The following NR3C2 variants were observed in gnomAD, a reference collection of about 807,000 sequenced individuals.
NR3C2 encodes mineralocorticoid receptor.
In NR3C2, 15 loss-of-function variants were observed where a neutral mutation model predicts 86.4. The observed-to-expected ratio is 0.17, with a 90% CI of 0.12 to 0.27. The LOEUF is 0.27. Ranked by LOEUF, NR3C2 falls within the 10% of genes least tolerant of loss-of-function variation. The probability of loss-of-function intolerance (pLI) is 1.00; values close to 1 mark genes in which losing one functional copy is unlikely to be tolerated. For synonymous variants in NR3C2, 458 were observed against 450.5 expected (o/e 1.02, Z -0.21); for missense variants, 960 against 1,195.6 (o/e 0.80, Z 2.91).
chr4:148,233,408 G>A (rs1738566235), intron 3 of NR3C2, among the ~76,000 whole-genome samples: 1 of 140,628 alleles, frequency 7.1e-6, no homozygotes, highest in South Asian at 2.3e-4. Context: ...TGCCCAGACT[G>A]GAGTGCAGTG....
chr4:148,119,966 T>A (rs1051899801), intron 7 of NR3C2, among the ~76,000 whole-genome samples, 192 bp downstream of exon 7: 1 of 152,190 alleles, frequency 6.6e-6, no homozygotes, highest in Admixed American at 6.5e-5. Flanking sequence ...CTCTTTCACA[T>A]GCCCAAAGCT....
intron 5 of NR3C2, among the ~76,000 whole-genome samples, chr4:148,153,333 A>G (rs899691559): frequency 6.6e-6 from 1 of 152,140 alleles, no homozygotes; most frequent in Non-Finnish European, 1.5e-5. Flanking sequence ...GCCTGCCAGG[A>G]CGCCCAACTA....
At chr4:148,341,118 A>T (rs1744726439) in intron 2 of NR3C2, among the ~76,000 whole-genome samples, 1 of 152,128 alleles carries the variant, frequency 6.6e-6, no homozygotes, top group Non-Finnish European at 1.5e-5. Flanking sequence ...ATGTAAAGGA[A>T]ATCAGTGTAT....
chr4:148,183,649 T>C (rs1252530936), intron 4 of NR3C2, among the ~76,000 whole-genome samples: 1 of 152,170 alleles, frequency 6.6e-6, no homozygotes, highest in Non-Finnish European at 1.5e-5. Context: ...TATCTCATAG[T>C]GTTGCTGTGA....
chr4:148,125,897 A>T (rs1354488200), intron 6 of NR3C2, among the ~76,000 whole-genome samples: 1 of 152,268 alleles, frequency 6.6e-6, no homozygotes, highest in East Asian at 1.9e-4. Flanking sequence ...TAAGATTATC[A>T]AGTGGCCACA....
intron 3 of NR3C2, among the ~76,000 whole-genome samples, chr4:148,217,860 A>T (rs1484210684): frequency 1.6e-4 from 25 of 152,234 alleles, no homozygotes. Context: ...ACCCATGTGT[A>T]ATGGACTGCA....
chr4:148,237,668 T>TG (rs1164224872), intron 3 of NR3C2, among the ~76,000 whole-genome samples: 3 of 95,864 alleles, frequency 3.1e-5, no homozygotes, highest in African/African-American at 9.2e-5. Context: ...AAAAACAAAA[T>TG]GGGTTTTTTT....
At chr4:148,271,181 G>C (rs72655253) in intron 2 of NR3C2, among the ~76,000 whole-genome samples, 1 of 152,098 alleles carries the variant, frequency 6.6e-6, no homozygotes, top group African/African-American at 2.4e-5. Flanking sequence ...AATTTGAGCT[G>C]TTATTTTTAA....
chr4:148,234,454 G>A (rs1008447379), intron 3 of NR3C2, among the ~76,000 whole-genome samples: 4 of 152,010 alleles, frequency 2.6e-5, no homozygotes, highest in Admixed American at 6.6e-5. Context: ...GGCAGATCAC[G>A]AGGTCAGGAG....
At chr4:148,084,561 C>T (rs1560911983) in intron 8 of NR3C2, among the ~76,000 whole-genome samples, 1 of 152,210 alleles carries the variant, frequency 6.6e-6, no homozygotes, top group Non-Finnish European at 1.5e-5. Flanking sequence ...ACTGCAAAAA[C>T]ATACCAAATT....
intron 2 of NR3C2, among the ~76,000 whole-genome samples, chr4:148,335,982 G>A (rs561829008): frequency 2.6e-5 from 4 of 152,230 alleles, no homozygotes; most frequent in South Asian, 2.1e-4. Flanking sequence ...ATTGAATAAC[G>A]TATGAAGTTA....
chr4:148,161,112 G>A (rs1053948049), intron 4 of NR3C2, among the ~76,000 whole-genome samples: 1 of 152,160 alleles, frequency 6.6e-6, no homozygotes, highest in African/African-American at 2.4e-5. Context: ...TAATTAGCTT[G>A]TCAATTGATT....
intron 7 of NR3C2, among the ~76,000 whole-genome samples, chr4:148,114,954 C>G (rs981751524): frequency 2.0e-5 from 3 of 152,164 alleles, no homozygotes; most frequent in Non-Finnish European, 1.5e-5. Flanking sequence ...CCAGCACAAG[C>G]CCATAAAGCG....
At chr4:148,178,942 A>AC (rs1273392346) in intron 4 of NR3C2, among the ~76,000 whole-genome samples, 1 of 151,014 alleles carries the variant, frequency 6.6e-6, no homozygotes, top group African/African-American at 2.4e-5. Flanking sequence ...TAAAAAAAAA[A>AC]AAAAACAAAA....
chr4:148,088,730 G>T (rs1396669326), intron 8 of NR3C2, among the ~76,000 whole-genome samples: 1 of 151,580 alleles, frequency 6.6e-6, no homozygotes, highest in Admixed American at 6.6e-5. Flanking sequence ...GGGGGGCTAG[G>T]GGAGGGATGG....
intron 2 of NR3C2, among the ~76,000 whole-genome samples, chr4:148,384,387 C>T (rs2126461205): frequency 6.6e-6 from 1 of 152,164 alleles, no homozygotes; most frequent in East Asian, 1.9e-4. Flanking sequence ...AAGAGAGTAT[C>T]ATGAGAATTG....
intron 2 of NR3C2, among the ~76,000 whole-genome samples, chr4:148,398,364 G>T (rs1747965086): frequency 6.6e-6 from 1 of 152,176 alleles, no homozygotes; most frequent in South Asian, 2.1e-4. Flanking sequence ...TGCAAATCAA[G>T]TAAGTATGAG....
intron 3 of NR3C2, among the ~76,000 whole-genome samples, chr4:148,250,304 CTTTTT>C (rs982969095): frequency 6.6e-6 from 1 of 152,122 alleles, no homozygotes; most frequent in Non-Finnish European, 1.5e-5. Flanking sequence ...AGACTGACAT[CTTTTT>C]TTATTTGCTA....
At chr4:148,121,994 C>CATGTCACCTGCTT (rs57848400) in intron 6 of NR3C2, among the ~76,000 whole-genome samples, 74,132 of 151,438 alleles carry the variant, frequency 0.49, 18,650 homozygotes, top group East Asian at 0.71. Flanking sequence ...TAGATTTGCA[C>CATGTCACCTGCTT]ATGTCACCTG....
Sources: gnomAD v4.1 joint callset for allele counts (sites outside exome capture counted in the v4.1 genomes callset) on GRCh38, gnomAD v4.1.1 for gene constraint, MANE v1.5 for transcripts, NCBI Gene and HGNC (gene_info 2026-07-23, HGNC 2026-07-21) for gene names.